Variants in ZNF3 observed in about 807,000 individuals in gnomAD.
The protein encoded by ZNF3 is zinc finger protein 3.
A neutral mutation model predicts 36.9 loss-of-function variants in ZNF3; 16 were observed. The ratio of observed to expected loss-of-function variants is 0.43; its 90% CI spans 0.29 to 0.66. ZNF3 has a LOEUF of 0.66. Among genes scored for constraint, ZNF3 ranks in the 30% least tolerant of loss-of-function variants. ZNF3 has a pLI of 0.13. For missense variants in ZNF3, 462 were observed against 543.1 expected, an observed-to-expected ratio of 0.85 and a Z score of 1.48; for synonymous variants, 201 against 201.9, an observed-to-expected ratio of 1.00 and a Z score of 0.04.
intron 3 of ZNF3, chr7:100,077,075 AAAAC>A: frequency 4.1e-6 from 2 of 482,570 alleles, no homozygotes; most frequent in Middle Eastern, 6.2e-4. Context: ...CATCTCAAAA[AAAAC>A]AAAACAAAAC....
At chr7:100,075,050 CTCT>C in intron 5 of ZNF3, 82 bp downstream of exon 5, 1 of 1,496,424 alleles carries the variant, frequency 6.7e-7, no homozygotes, top group Non-Finnish European at 8.9e-7. Context: ...GCTGAAACAG[CTCT>C]TTTCAGTGAC....
At position 100,071,575 on chromosome 7, in the gene ZNF3, C is replaced by G; in HGVS notation, c.909G>C (p.Gln303His). The G allele has an allele frequency of 6.2e-7, 1 of 1,614,116 alleles. No individual in the cohort carries two copies. The highest frequency in any genetic ancestry group is 8.5e-7 in the Non-Finnish European group (1 of 1,180,012). Residue 303 changes from glutamine (Q) to histidine (H), a missense_variant, in exon 6 of 6, where the codon CAG becomes CAC. Transcript: ENST00000299667. The part of the protein sequence containing the change: ...FSWSSTLTHH[Q>H]RIHTGEKPYA... ...AGGGTTTCTCACCAGTGTGGATTCTCTGATGGTGGGTGAGGGTGGAGCTCC... is the reference window on the plus strand; with the variant it reads ...AGGGTTTCTCACCAGTGTGGATTCTGTGATGGTGGGTGAGGGTGGAGCTCC...
chr7:100,068,844 TCTCA>T (rs1033998910), downstream of ZNF3, among the ~76,000 whole-genome samples: 16 of 151,312 alleles, frequency 1.1e-4, no homozygotes, highest in African/African-American at 3.6e-4. Context: ...TGAGATGGAG[TCTCA>T]CTCTGTTGCC....
rs758040781 is a variant in ZNF3 at position 100,072,086 on chromosome 7, T to A, written c.398A>T (p.Glu133Val). The A allele has an allele frequency of 9.3e-6, 15 of 1,614,236 alleles. No homozygotes were observed. Among genetic ancestry groups the A allele is most frequent in the Non-Finnish European group, 1.1e-5 (13 of 1,180,050 alleles). ...CCCCAGCGGCCTTTTCAGACTGACT[T>A]CTCGTTCATAGGCTTCTTTAAACTT... ...GLKFKEAYER[E>V]VSLKRPLGNS... The change falls in exon 6 of 6, where the codon GAA becomes GTA. Residue 133 changes from glutamate (E) to valine (V), a missense_variant. Transcript: ENST00000299667.
At chr7:100,065,576 C>A (rs1305514905), downstream of ZNF3, among the ~76,000 whole-genome samples, 2 of 151,964 alleles carry the variant, frequency 1.3e-5, no homozygotes, top group Non-Finnish European at 2.9e-5. Flanking sequence ...TTTACAGAAG[C>A]CATACAGAAA....
At chr7:100,076,206 G>T (rs1399611243) in intron 3 of ZNF3, among the ~76,000 whole-genome samples, 1 of 151,960 alleles carries the variant, frequency 6.6e-6, no homozygotes, top group Admixed American at 6.6e-5. Flanking sequence ...AATGCCCACA[G>T]CTCCTTTCTC....
chr7:100,063,918 C>T (rs991129194), downstream of ZNF3: 17 of 1,614,068 alleles, frequency 1.1e-5, no homozygotes, highest in African/African-American at 8.0e-5. Flanking sequence ...AGAGGCAGTG[C>T]GTAAACCTTG....
In ZNF3 at chr7:100,070,066, T is replaced by C. The variant is rs979344937; in HGVS notation, c.*1077A>G. ...ACACAATGGAAGGTCATCCCGTCGGTTGGGAAAACTCGGGGAGTGCCATCC... is the reference window on the plus strand; with the variant it reads ...ACACAATGGAAGGTCATCCCGTCGGCTGGGAAAACTCGGGGAGTGCCATCC... On this transcript the variant is annotated 3_prime_UTR_variant, in exon 6 of 6. Coordinates refer to ENST00000299667, the MANE Select transcript of ZNF3 (RefSeq NM_032924.5). 44 of 985,764 alleles carry C rather than the reference T, an allele frequency of 4.5e-5. No homozygotes were observed. Among genetic ancestry groups the C allele is most frequent in the Non-Finnish European group, 5.2e-5 (43 of 829,934 alleles). 61.1% of individuals were successfully genotyped at this position (985,764 alleles called of 1,614,324 possible). A position where few individuals can be genotyped will look rare whatever the true frequency, so the allele number is the denominator to read the frequency against.
chr7:100,082,351 A>G (rs189119216), upstream of ZNF3: 2,532 of 152,404 alleles, frequency 0.017, 59 homozygotes, highest in African/African-American at 0.055. Flanking sequence ...TAGGAGGCCG[A>G]GGCGGGCGGA....
At position 100,064,656 on chromosome 7, in the gene ZNF3, T is replaced by A. The variant is rs778878419; in HGVS notation, c.*132A>T. 7 of 1,603,040 alleles carry A rather than the reference T, an allele frequency of 4.4e-6. No homozygotes were observed. The African/African-American group carries it at 8.1e-5, about 18-fold the overall frequency. On this transcript the variant is annotated 3_prime_UTR_variant, in exon 6 of 6. Coordinates refer to the ZNF3 transcript ENST00000413658. ...CTGTTGTTGTCGTTGTTTTAAACTTTAGAATCTGAAAACCAGAAAGAAGTC... is the reference window on the plus strand; with the variant it reads ...CTGTTGTTGTCGTTGTTTTAAACTTAAGAATCTGAAAACCAGAAAGAAGTC...
downstream of ZNF3, chr7:100,069,967 T>G: frequency 1.0e-6 from 1 of 985,778 alleles, no homozygotes. Flanking sequence ...AAAACCACAC[T>G]CAATCTCTTC....
intron 2 of ZNF3, 137 bp from the exon 3 acceptor site, chr7:100,077,570 C>A (rs1458398006): frequency 1.4e-5 from 11 of 762,140 alleles, no homozygotes; most frequent in East Asian, 6.3e-5. Context: ...CTTTTATTTT[C>A]TTTTATTTTT....
At chr7:100,077,575 A>C (rs1423039023) in intron 2 of ZNF3, 142 bp from the exon 3 acceptor site, 1 of 721,154 alleles carries the variant, frequency 1.4e-6, no homozygotes, top group Non-Finnish European at 2.0e-6. Flanking sequence ...ATTTTCTTTT[A>C]TTTTTTAATT....
At chr7:100,067,090 T>C (rs554964607), downstream of ZNF3, among the ~76,000 whole-genome samples, 2 of 152,290 alleles carry the variant, frequency 1.3e-5, no homozygotes, top group African/African-American at 4.8e-5. Flanking sequence ...TCATGGTAAT[T>C]GTGTCCACTT....
At chr7:100,069,689 C>T (rs1792846029), downstream of ZNF3, among the ~76,000 whole-genome samples, 1 of 151,870 alleles carries the variant, frequency 6.6e-6, no homozygotes, top group South Asian at 2.1e-4. Context: ...TCTCAGCTCA[C>T]CACAACCTGC....
chr7:100,063,907 G>C (rs1188002316), downstream of ZNF3: 6 of 1,614,038 alleles, frequency 3.7e-6, no homozygotes, highest in African/African-American at 1.3e-5. Flanking sequence ...GGCCAGCTTA[G>C]AGAGGCAGTG....
At chr7:100,068,716 G>A (rs911915281), downstream of ZNF3, among the ~76,000 whole-genome samples, 7 of 151,890 alleles carry the variant, frequency 4.6e-5, no homozygotes, top group African/African-American at 1.5e-4. Flanking sequence ...GTGTGGTGGT[G>A]CAATCACAGG....
chr7:100,065,003 T>A, downstream of ZNF3: 1 of 1,497,570 alleles, frequency 6.7e-7, no homozygotes, highest in Non-Finnish European at 9.1e-7. Context: ...TTGAACACAA[T>A]TGAATGAGAT....
downstream of ZNF3, among the ~76,000 whole-genome samples, chr7:100,067,291 G>A (rs1414823758): frequency 3.3e-5 from 5 of 152,092 alleles, no homozygotes; most frequent in Admixed American, 6.6e-5. Flanking sequence ...TGGGCCTTCC[G>A]AGATAACATA....
Sources: allele counts gnomAD v4.1 joint callset (sites outside exome capture counted in the v4.1 genomes callset), GRCh38; gene constraint gnomAD v4.1.1; transcripts MANE v1.5; gene names NCBI Gene and HGNC (gene_info 2026-07-23, HGNC 2026-07-21).